KIAA0319: variants seen among roughly 807,000 people sequenced by gnomAD.
KIAA0319 encodes dyslexia-associated protein KIAA0319.
KIAA0319 carries 83 observed loss-of-function variants against 108.4 expected under a neutral mutation model. The observed-to-expected ratio is 0.77, with a 90% CI of 0.64 to 0.92. The LOEUF (loss-of-function observed/expected upper bound fraction) is 0.92. Among genes scored for constraint, KIAA0319 ranks in the 40% least tolerant of loss-of-function variants. The pLI, the probability that KIAA0319 is intolerant of heterozygous loss-of-function variation, is 0.00. For synonymous variants in KIAA0319, 484 were observed against 510.4 expected (o/e 0.95, Z 0.70); for missense variants, 1,195 against 1,322.4 (o/e 0.90, Z 1.49).
At chr6:24,623,136 C>T (rs1380143985) in intron 1 of KIAA0319, among the ~76,000 whole-genome samples, 1 of 152,108 alleles carries the variant, frequency 6.6e-6, no homozygotes, top group Non-Finnish European at 1.5e-5. Flanking sequence ...AGCTATCTGG[C>T]TCCAGAACAC....
At chr6:24,555,586 A>T (rs1762172346) in intron 18 of KIAA0319, among the ~76,000 whole-genome samples, 2 of 150,266 alleles carry the variant, frequency 1.3e-5, no homozygotes, top group South Asian at 4.3e-4. Flanking sequence ...CTATTTTCTG[A>T]TTTTTATATA....
At position 24,585,066 on chromosome 6, in the gene KIAA0319, C is replaced by T. The variant is rs1262204947; in HGVS notation, c.995-1364G>A. On this transcript the variant is annotated intron_variant, in intron 4 of 20. Transcript: ENST00000378214. ...AAAAGCTCAGGAAACATGACCCTTA[C>T]GTCTAGCATATTCTAATAACTTCCT... Among the ~76,000 whole-genome samples, 5 of 152,200 alleles carry T rather than the reference C, an allele frequency of 3.3e-5. No individual in the cohort carries two copies. In the South Asian group the frequency reaches 6.2e-4, roughly 19 times the overall value.
intron 19 of KIAA0319, among the ~76,000 whole-genome samples, chr6:24,554,047 G>A (rs1031012136): frequency 6.6e-6 from 1 of 152,210 alleles, no homozygotes; most frequent in Non-Finnish European, 1.5e-5. Flanking sequence ...AACGACCTGG[G>A]GTATGCAACT....
intron 4 of KIAA0319, among the ~76,000 whole-genome samples, chr6:24,584,431 TAAAAAAAAAAAAA>T (rs5874993): frequency 2.2e-5 from 2 of 91,272 alleles, no homozygotes; most frequent in African/African-American, 9.2e-5. Flanking sequence ...AGCAAAGATT[TAAAAAAAAAAAAA>T]AAAAAAAAAA....
Position 24,576,338 on chromosome 6 carries a change from A to G in KIAA0319, c.1734+30T>C, listed in dbSNP as rs1358114579. The G allele has an allele frequency of 2.5e-6, 4 of 1,569,532 alleles. No homozygotes were observed. The African/African-American group carries it at 4.1e-5, about 16-fold the overall frequency. On this transcript the variant is annotated intron_variant, in intron 10 of 20. Transcript: ENST00000378214. ...TAGGTAGACAGACAGACAGACAGAC[A>G]AAAGTCTGAAGGCAGGATGGAGAAC...
At chr6:24,566,157 C>T (rs931803994) in intron 14 of KIAA0319, among the ~76,000 whole-genome samples, 1 of 152,186 alleles carries the variant, frequency 6.6e-6, no homozygotes, top group African/African-American at 2.4e-5. Flanking sequence ...AGAGACACTG[C>T]CGTGGACCGA....
rs34707825 is a variant in KIAA0319 at position 24,595,557 on chromosome 6, A to AAAAC, written c.801+315_801+316insGTTT. On this transcript the variant is annotated intron_variant, in intron 3 of 20. Transcript: ENST00000378214. Reference sequence around the variant, plus strand: ...GCGAGATTCAATCTCAAAAAAAAAAAAAAAAAAAAAAAACGCTACAGGCAT... The same window carrying AAAAC: ...GCGAGATTCAATCTCAAAAAAAAAAAAAACAAAAAAAAAAAAACGCTACAGGCAT... Among the ~76,000 whole-genome samples the AAAAC allele has an allele frequency of 3.0e-3, 442 of 148,872 alleles. 4 individuals are homozygous for AAAAC. The highest frequency in any genetic ancestry group is 5.2e-3 in the Non-Finnish European group (349 of 66,942).
chr6:24,584,090 A>G (rs2127491961), intron 4 of KIAA0319, among the ~76,000 whole-genome samples: 1 of 152,282 alleles, frequency 6.6e-6, no homozygotes, highest in Middle Eastern at 3.4e-3. Flanking sequence ...GATTGAGTGT[A>G]ATCCTAAGTG....
At chr6:24,630,681 G>A (rs1050259680) in intron 1 of KIAA0319, among the ~76,000 whole-genome samples, 5 of 51,996 alleles carry the variant, frequency 9.6e-5, no homozygotes, top group Admixed American at 6.3e-4. Context: ...GTGTGTATAT[G>A]TGTATATATA....
At chr6:24,572,892 G>A (rs1057295161) in intron 10 of KIAA0319, among the ~76,000 whole-genome samples, 194 bp from the exon 11 acceptor site, 1 of 152,166 alleles carries the variant, frequency 6.6e-6, no homozygotes, top group Admixed American at 6.5e-5. Context: ...AAGGCAGGTG[G>A]ATCACTTGAG....
intron 1 of KIAA0319, among the ~76,000 whole-genome samples, chr6:24,609,273 C>CAAAAAAAAAAAAAAAAAAAAAAA (rs886616830): frequency 1.3e-5 from 1 of 74,850 alleles, no homozygotes. Context: ...GTCTCAAAAA[C>CAAAAAAAAAAAAAAAAAAAAAAA]AAAAAAAAAA....
At position 24,579,412 on chromosome 6, in the gene KIAA0319, G is replaced by GATATATATATATATAT. The variant is rs3840133; in HGVS notation, c.1372+430_1372+445dup. On this transcript the variant is annotated intron_variant, in intron 8 of 20. Transcript: ENST00000378214. ...GGTCACGGGAGCTCCTCTATATAAA[G>GATATATATATATATAT]ATATATATATATATATATATCTTAT... Among the ~76,000 whole-genome samples, 956 of 127,108 alleles carry GATATATATATATATAT rather than the reference G, an allele frequency of 7.5e-3. 19 individuals carry two copies. Among genetic ancestry groups the GATATATATATATATAT allele is most frequent in the African/African-American group, 0.023 (729 of 31,336 alleles). 83.4% of individuals were successfully genotyped at this position (127,108 alleles called of 152,430 possible).
At chr6:24,607,116 G>A (rs552058160) in intron 1 of KIAA0319, among the ~76,000 whole-genome samples, 103 of 152,376 alleles carry the variant, frequency 6.8e-4, no homozygotes, top group African/African-American at 2.4e-3. Flanking sequence ...AGCACTTTGG[G>A]AGGCCGAGGC....
At chr6:24,580,199 G>A (rs1766266871) in intron 7 of KIAA0319, among the ~76,000 whole-genome samples, 1 of 152,100 alleles carries the variant, frequency 6.6e-6, no homozygotes. Flanking sequence ...TAATAACCAA[G>A]GGGCTCATCA....
chr6:24,607,030 A>C (rs1771515399), intron 1 of KIAA0319, among the ~76,000 whole-genome samples: 1 of 152,244 alleles, frequency 6.6e-6, no homozygotes, highest in East Asian at 1.9e-4. Flanking sequence ...CTTTTCTCTC[A>C]TTTAAGCCAC....
At chr6:24,553,046 G>C (rs933554474) in intron 19 of KIAA0319, among the ~76,000 whole-genome samples, 4 of 152,078 alleles carry the variant, frequency 2.6e-5, no homozygotes, top group Non-Finnish European at 5.9e-5. Context: ...GTAGCTTGAG[G>C]CTTCTCAGGG....
At chr6:24,552,016 T>C (rs888029399) in intron 19 of KIAA0319, among the ~76,000 whole-genome samples, 2 of 152,038 alleles carry the variant, frequency 1.3e-5, no homozygotes, top group Admixed American at 6.5e-5. Context: ...CCTTTTTCTT[T>C]TTTTTTTTTC....
In KIAA0319 at chr6:24,599,404, C is replaced by A; in HGVS notation, c.55+1645G>T. 1.8e-6 allele frequency: 1 copy of A among 541,042 alleles called. No individual in the cohort carries two copies. Among genetic ancestry groups the A allele is most frequent in the Non-Finnish European group, 3.6e-6 (1 of 281,198 alleles). 33.5% of individuals were successfully genotyped at this position (541,042 alleles called of 1,614,324 possible). A position where few individuals can be genotyped will look rare whatever the true frequency, so the allele number is the denominator to read the frequency against. ...GAGCTGGCCATTAAGGATGCCAATG[C>A]CAAGCTGTCCAAGCTGGAGGCCACC... On this transcript the variant is annotated intron_variant, in intron 2 of 20. Transcript: ENST00000378214. This position sits in a 1 kb window ranked among gnomAD's most constrained non-coding sequence, Gnocchi z 4.1.
chr6:24,599,349 G>T lies in KIAA0319; in HGVS notation c.55+1700C>A. The T allele has an allele frequency of 1.9e-6, 1 of 521,620 alleles. No individual in the cohort carries two copies. Among genetic ancestry groups the T allele is most frequent in the African/African-American group, 1.9e-5 (1 of 52,528 alleles). 32.3% of individuals were successfully genotyped at this position (521,620 alleles called of 1,614,324 possible). A position where few individuals can be genotyped will look rare whatever the true frequency, so the allele number is the denominator to read the frequency against. ...CAAAGGCTAGAGGGCTTCCCTAGAG[G>T]CCACCATTGTGGATGCGGAGAAGCG... On this transcript the variant is annotated intron_variant, in intron 2 of 20. Coordinates refer to ENST00000378214, the MANE Select transcript of KIAA0319 (RefSeq NM_014809.4). The surrounding 1 kb of genome is among the most constrained non-coding windows in gnomAD (Gnocchi z 4.1).
Sources: allele counts gnomAD v4.1 joint callset (sites outside exome capture counted in the v4.1 genomes callset), GRCh38; gene constraint gnomAD v4.1.1; non-coding constraint Gnocchi (gnomAD v3.1); transcripts MANE v1.5; gene names NCBI Gene and HGNC (gene_info 2026-07-23, HGNC 2026-07-21).